Variants in TRPA1 observed in about 807,000 individuals in gnomAD.
The protein encoded by TRPA1 is transient receptor potential cation channel subfamily A member 1, also known as ankyrin-like with transmembrane domains 1.
In TRPA1, 129 loss-of-function variants were observed where a neutral mutation model predicts 131.3. The ratio of observed to expected loss-of-function variants is 0.98; its 90% confidence interval spans 0.85 to 1.14. TRPA1 has a LOEUF of 1.14. Ranked by LOEUF, TRPA1 falls within the 50% of genes most tolerant of loss-of-function variation. TRPA1 has a pLI of 0.00. For missense variants in TRPA1, 1,304 were observed against 1,354.2 expected (o/e 0.96, Z 0.58); for synonymous variants, 441 against 451.7 (o/e 0.98, Z 0.30).
intron 23 of TRPA1, among the ~76,000 whole-genome samples, chr8:72,032,569 C>G (rs374573997): frequency 6.6e-6 from 1 of 152,180 alleles, no homozygotes; most frequent in Admixed American, 6.5e-5. Context: ...TCCAGGATAT[C>G]CAGGTAGAGA....
intron 6 of TRPA1, among the ~76,000 whole-genome samples, chr8:72,062,099 T>C (rs1450600614): frequency 6.6e-6 from 1 of 152,212 alleles, no homozygotes; most frequent in African/African-American, 2.4e-5. Flanking sequence ...GTGTAGGAAG[T>C]GACTTCAGAC....
chr8:72,047,481 ATATTCCACTAGTTGTGCC>A (rs1200842739), intron 15 of TRPA1, among the ~76,000 whole-genome samples: 1 of 152,128 alleles, frequency 6.6e-6, no homozygotes, highest in Non-Finnish European at 1.5e-5. Context: ...TAGGCAAGAG[ATATTCCACTAGTTGTGCC>A]TAAGATTTGA....
At chr8:72,081,013 T>C in the TRPA1 span, among the ~76,000 whole-genome samples, 1 of 151,784 alleles carries the variant, frequency 6.6e-6, no homozygotes, top group Non-Finnish European at 1.5e-5. Flanking sequence ...ATTTTCTCTA[T>C]TGTTTCTCTA....
upstream of TRPA1, among the ~76,000 whole-genome samples, chr8:72,075,794 G>A (rs1167438268): frequency 6.6e-6 from 1 of 152,000 alleles, no homozygotes; most frequent in Non-Finnish European, 1.5e-5. Context: ...GGTCGGGGTG[G>A]ATTGCAGAGA....
Position 72,033,841 on chromosome 8 carries a change from T to C in TRPA1, c.2686-15A>G. On this transcript the variant is annotated splice_polypyrimidine_tract_variant and intron_variant, in intron 22 of 26. Coordinates refer to ENST00000262209, the MANE Select transcript of TRPA1 (RefSeq NM_007332.3). ...CTGAAGGGATCCTGAAAGCAGACGGTGAGGTACAAATGAAATGCAAAGTTT... is the reference window on the plus strand; with the variant it reads ...CTGAAGGGATCCTGAAAGCAGACGGCGAGGTACAAATGAAATGCAAAGTTT... The C allele has an allele frequency of 6.2e-7, 1 of 1,612,692 alleles. No homozygotes were observed. The highest frequency in any genetic ancestry group is 8.5e-7 in the Non-Finnish European group (1 of 1,178,916).
chr8:72,053,838 T>A lies in TRPA1; in HGVS notation c.1559A>T (p.His520Leu), dbSNP rs773908662. The A allele has an allele frequency of 3.7e-6, 6 of 1,611,980 alleles. No individual in the cohort carries two copies. The highest frequency in any genetic ancestry group is 5.1e-6 in the Non-Finnish European group (6 of 1,179,710). ...CTGAGTGTACCCGCCCATGGACGCA[T>A]GATGCAAAGCTGTCCAGCCATTGTG... ...SDHNGWTALHHASMGGYTQTM... is the reference protein window; with the variant it reads ...SDHNGWTALHLASMGGYTQTM... The change falls in exon 13 of 27, where the codon CAT becomes CTT. Residue 520 changes from histidine to leucine, a missense_variant. Transcript: ENST00000262209.
chr8:72,058,842 C>A (rs1805736933), intron 8 of TRPA1, among the ~76,000 whole-genome samples: 1 of 152,150 alleles, frequency 6.6e-6, no homozygotes, highest in Non-Finnish European at 1.5e-5. Flanking sequence ...TACATTCATC[C>A]GTATAAAGGG....
chr8:72,072,287 A>C (rs1405622625), intron 1 of TRPA1, among the ~76,000 whole-genome samples: 1 of 152,226 alleles, frequency 6.6e-6, no homozygotes, highest in Non-Finnish European at 1.5e-5. Context: ...ACTACTGAAA[A>C]GAAAAGCTAT....
chr8:72,075,723 T>G, upstream of TRPA1: 1 of 422,846 alleles, frequency 2.4e-6, no homozygotes, highest in Non-Finnish European at 4.4e-6. Context: ...AGGGACAAAG[T>G]GACTCGCCCG....
In TRPA1 at chr8:72,071,763, T is replaced by A. The variant is rs1806067055; in HGVS notation, c.216A>T (p.Ala72=). ...MDTFFLHYAA[A]EGQIELMEKI... ...TCTCCATTAGCTCAATTTGGCCTTC[T>A]GCTGCAGCATAATGCAAGAAGAAGG... Residue 72 remains alanine (A), a synonymous_variant, in exon 2 of 27, where the codon GCA becomes GCT. Coordinates refer to ENST00000262209, the MANE Select transcript of TRPA1 (RefSeq NM_007332.3). 5 of 1,613,720 alleles carry A rather than the reference T, an allele frequency of 3.1e-6. No individual in the cohort carries two copies. The highest frequency in any genetic ancestry group is 4.2e-6 in the Non-Finnish European group (5 of 1,179,894).
chr8:72,036,005 CAAAA>C (rs58197251), intron 21 of TRPA1, among the ~76,000 whole-genome samples: 1 of 44,968 alleles, frequency 2.2e-5, no homozygotes, highest in African/African-American at 9.3e-5. Flanking sequence ...TCCCCCTCCA[CAAAA>C]AAAAAAAAAA....
chr8:72,028,331 C>A (rs991794810), intron 24 of TRPA1, among the ~76,000 whole-genome samples: 6 of 152,214 alleles, frequency 3.9e-5, no homozygotes, highest in African/African-American at 1.4e-4. Context: ...TCATCTGCAG[C>A]AATCTAATCA....
chr8:72,025,284 G>C (rs1401638557), intron 25 of TRPA1, among the ~76,000 whole-genome samples: 1 of 152,198 alleles, frequency 6.6e-6, no homozygotes, highest in African/African-American at 2.4e-5. Context: ...TAGTAAGTGA[G>C]TTCTCATGAG....
chr8:72,042,373 G>A (rs528461636), intron 17 of TRPA1, among the ~76,000 whole-genome samples: 61 of 151,918 alleles, frequency 4.0e-4, no homozygotes, highest in African/African-American at 1.1e-3. Context: ...ATACCACTTC[G>A]CATCCGTTAG....
At chr8:72,088,648 G>T in the TRPA1 span, among the ~76,000 whole-genome samples, 3 of 152,062 alleles carry the variant, frequency 2.0e-5, no homozygotes, top group Non-Finnish European at 4.4e-5. Flanking sequence ...TTAGTTTGGT[G>T]ACAACTGAGT....
At chr8:72,045,061 C>T (rs985104672) in intron 17 of TRPA1, among the ~76,000 whole-genome samples, 2 of 151,896 alleles carry the variant, frequency 1.3e-5, no homozygotes, top group Admixed American at 1.3e-4. Context: ...ACATATGCAA[C>T]AAATTTTCTA....
At chr8:72,029,437 C>A (rs2129432932) in intron 24 of TRPA1, among the ~76,000 whole-genome samples, 1 of 152,296 alleles carries the variant, frequency 6.6e-6, no homozygotes, top group South Asian at 2.1e-4. Flanking sequence ...AACATGCAAA[C>A]AGACACAGGA....
chr8:72,048,657 A>G (rs1369586773), intron 15 of TRPA1, among the ~76,000 whole-genome samples: 1 of 152,144 alleles, frequency 6.6e-6, no homozygotes, highest in Non-Finnish European at 1.5e-5. Context: ...CTTTTCAGAA[A>G]TGTTGTATAA....
chr8:72,079,421 T>C (rs565976328), upstream of TRPA1, among the ~76,000 whole-genome samples: 2 of 152,068 alleles, frequency 1.3e-5, no homozygotes, highest in East Asian at 3.9e-4. Flanking sequence ...TCATTTTTAT[T>C]GCATATGGAT....
Sources: allele counts gnomAD v4.1 joint callset (sites outside exome capture counted in the v4.1 genomes callset), GRCh38; gene constraint gnomAD v4.1.1; transcripts MANE v1.5; gene names NCBI Gene and HGNC (gene_info 2026-07-23, HGNC 2026-07-21).